The following KCNQ5 variants were observed in gnomAD, a reference collection of about 807,000 sequenced individuals.
KCNQ5 encodes potassium voltage-gated channel subfamily KQT member 5.
A neutral mutation model predicts 98.2 loss-of-function variants in KCNQ5; 30 were observed. That is an observed-to-expected ratio of 0.31 (90% CI 0.23 to 0.41). The LOEUF (loss-of-function observed/expected upper bound fraction) is 0.41. Ranked by LOEUF, KCNQ5 falls within the 10% of genes least tolerant of loss-of-function variation. The pLI is 1.00. For missense variants in KCNQ5, 835 were observed against 1,182.5 expected, an observed-to-expected ratio of 0.71 and a Z score of 4.31; for synonymous variants, 458 against 449.4, an observed-to-expected ratio of 1.02 and a Z score of -0.24.
intron 1 of KCNQ5, among the ~76,000 whole-genome samples, chr6:72,668,327 T>C (rs981878182): frequency 6.6e-6 from 1 of 152,204 alleles, no homozygotes; most frequent in African/African-American, 2.4e-5. Context: ...TGTTAAGCAT[T>C]GCAGAGGATA....
chr6:72,899,589 T>C (rs1422855404), intron 1 of KCNQ5, among the ~76,000 whole-genome samples: 1 of 152,122 alleles, frequency 6.6e-6, no homozygotes, highest in Admixed American at 6.5e-5. Context: ...TTTACTTTGG[T>C]TTACTTATTA....
intron 2 of KCNQ5, among the ~76,000 whole-genome samples, chr6:73,036,450 G>A (rs1315756874): frequency 6.9e-6 from 1 of 144,262 alleles, no homozygotes; most frequent in Non-Finnish European, 1.5e-5. Context: ...GATCTCTCAA[G>A]TTACCCCTTG....
intron 1 of KCNQ5, among the ~76,000 whole-genome samples, chr6:72,881,623 TA>T (rs763992069): frequency 1.4e-4 from 21 of 152,170 alleles, no homozygotes; most frequent in Non-Finnish European, 2.5e-4. Context: ...TTAAAAGTGT[TA>T]CAAGTAAAAG....
intron 1 of KCNQ5, among the ~76,000 whole-genome samples, chr6:72,683,019 C>T (rs578234537): frequency 2.0e-5 from 3 of 152,276 alleles, no homozygotes; most frequent in South Asian, 2.1e-4. Flanking sequence ...CTCAGCCATA[C>T]GTGATTTTTT....
intron 1 of KCNQ5, among the ~76,000 whole-genome samples, chr6:72,979,425 G>C (rs1231008348): frequency 6.6e-6 from 1 of 152,206 alleles, no homozygotes; most frequent in Non-Finnish European, 1.5e-5. Flanking sequence ...TTGATGACCA[G>C]TGATGATGAG....
chr6:72,955,219 G>T (rs768811273), intron 1 of KCNQ5, among the ~76,000 whole-genome samples: 2 of 152,138 alleles, frequency 1.3e-5, no homozygotes, highest in Non-Finnish European at 2.9e-5. Flanking sequence ...AAGTGAACCT[G>T]CTTGTCCATT....
chr6:72,657,504 G>A (rs1339052421), intron 1 of KCNQ5, among the ~76,000 whole-genome samples: 5 of 152,116 alleles, frequency 3.3e-5, no homozygotes, highest in East Asian at 1.9e-4. Context: ...TTCTCAGACC[G>A]CAAGAGGTTA....
At chr6:72,700,195 A>C (rs1768724181) in intron 1 of KCNQ5, among the ~76,000 whole-genome samples, 1 of 152,178 alleles carries the variant, frequency 6.6e-6, no homozygotes, top group Admixed American at 6.5e-5. Flanking sequence ...CATAACTCAT[A>C]ACTAACAAAG....
intron 1 of KCNQ5, among the ~76,000 whole-genome samples, chr6:72,779,944 C>T (rs1371817486): frequency 6.6e-6 from 1 of 151,520 alleles, no homozygotes; most frequent in Non-Finnish European, 1.5e-5. Context: ...AAGCTGTCCT[C>T]CCAGCTGGGC....
At chr6:73,007,821 A>ACCCATTG (rs1769881736) in intron 2 of KCNQ5, among the ~76,000 whole-genome samples, 1 of 152,110 alleles carries the variant, frequency 6.6e-6, no homozygotes. Context: ...TTGCACCTTC[A>ACCCATTG]CCCATTGCTG....
At chr6:72,848,936 G>A (rs777783433) in intron 1 of KCNQ5, among the ~76,000 whole-genome samples, 4 of 152,206 alleles carry the variant, frequency 2.6e-5, no homozygotes, top group Non-Finnish European at 4.4e-5. Context: ...AAATAAGCCC[G>A]CTTCCTTTAT....
At position 72,640,277 on chromosome 6, in the gene KCNQ5, C is replaced by G. The variant is rs192177593; in HGVS notation, c.398+17690C>G. 1.6e-3 allele frequency among the ~76,000 whole-genome samples: 246 copies of G among 151,066 alleles called. 2 individuals carry two copies. The highest frequency in any genetic ancestry group is 5.8e-3 in the African/African-American group (237 of 41,092). ...GTAAACCCCTCCAAGCACCAACCAT[C>G]TGATAAATGTGGAAATAAGGAGACA... On this transcript the variant is annotated intron_variant, in intron 1 of 13. Coordinates refer to ENST00000370398, the MANE Select transcript of KCNQ5 (RefSeq NM_019842.4).
chr6:72,908,154 A>G (rs1196704777), intron 1 of KCNQ5, among the ~76,000 whole-genome samples: 1 of 152,118 alleles, frequency 6.6e-6, no homozygotes, highest in Admixed American at 6.5e-5. Context: ...ACATTTAAAA[A>G]GAGCTCAAAT....
intron 1 of KCNQ5, among the ~76,000 whole-genome samples, chr6:72,715,313 AC>A (rs1769592253): frequency 6.6e-6 from 1 of 152,220 alleles, no homozygotes. Flanking sequence ...GGCCACGGTT[AC>A]ATACCTGAGT....
In KCNQ5 at chr6:73,197,639, A is replaced by C. The variant is rs10943079; in HGVS notation, c.*2225A>C. The C allele has an allele frequency of 0.11, 11,151 of 100,444 alleles. 520 individuals are homozygous for C. The highest frequency in any genetic ancestry group is 0.14 in the Non-Finnish European group (6,233 of 45,312). The allele number at this position is 100,444 out of a possible 1,614,324, so 6.2% of individuals were successfully genotyped here. On this transcript the variant is annotated 3_prime_UTR_variant, in exon 14 of 14. Transcript: ENST00000370398. ...CACACACACACACACACACACACACACACCCCTCCACTGACCTAAAGCCAG... is the reference window on the plus strand; with the variant it reads ...CACACACACACACACACACACACACCCACCCCTCCACTGACCTAAAGCCAG...
intron 11 of KCNQ5, among the ~76,000 whole-genome samples, chr6:73,170,197 G>A (rs1384271451): frequency 6.6e-6 from 1 of 152,092 alleles, no homozygotes; most frequent in African/African-American, 2.4e-5. Context: ...GCTCCAATCT[G>A]TATTCTGTAC....
intron 1 of KCNQ5, among the ~76,000 whole-genome samples, chr6:72,695,078 T>C (rs543794867): frequency 4.6e-5 from 7 of 152,302 alleles, no homozygotes; most frequent in African/African-American, 1.7e-4. Flanking sequence ...CCATGATATA[T>C]ATACATATAC....
chr6:73,060,769 C>T (rs1331212273), intron 3 of KCNQ5, among the ~76,000 whole-genome samples: 2 of 152,102 alleles, frequency 1.3e-5, no homozygotes, highest in Non-Finnish European at 2.9e-5. Context: ...ATATATACCT[C>T]TTAAACATAC....
At chr6:72,653,468 TG>T (rs1358099246) in intron 1 of KCNQ5, among the ~76,000 whole-genome samples, 1 of 152,100 alleles carries the variant, frequency 6.6e-6, no homozygotes, top group Admixed American at 6.6e-5. Context: ...AAGCTAAAAA[TG>T]CCTTTTAAAA....
Sources: gnomAD v4.1 joint callset for allele counts (sites outside exome capture counted in the v4.1 genomes callset) on GRCh38, gnomAD v4.1.1 for gene constraint, MANE v1.5 for transcripts, NCBI Gene and HGNC (gene_info 2026-07-23, HGNC 2026-07-21) for gene names.